EGFR: variants seen among roughly 807,000 people sequenced by gnomAD.
EGFR encodes the protein epidermal growth factor receptor, also known as avian erythroblastic leukemia viral (v-erb-b) oncogene homolog.
EGFR carries 58 observed loss-of-function variants against 143.0 expected under a neutral mutation model. That is an observed-to-expected ratio of 0.41 (90% CI 0.33 to 0.50). The LOEUF is 0.50. Among genes scored for constraint, EGFR ranks in the 20% least tolerant of loss-of-function variants. The pLI is 0.39. For missense variants in EGFR, 1,307 were observed against 1,579.0 expected, an observed-to-expected ratio of 0.83 and a Z score of 2.92; for synonymous variants, 613 against 594.4, an observed-to-expected ratio of 1.03 and a Z score of -0.45.
At chr7:55,203,094 CACACACACATAT>C (rs948843363) in intron 27 of EGFR, 1 of 272,724 alleles carries the variant, frequency 3.7e-6, no homozygotes, top group African/African-American at 2.2e-5. Flanking sequence ...AACCTGCTAA[CACACACACATAT>C]ACACACACAT....
chr7:55,170,038 G>A (rs1387125521), intron 15 of EGFR, among the ~76,000 whole-genome samples: 1 of 152,122 alleles, frequency 6.6e-6, no homozygotes, highest in African/African-American at 2.4e-5. Context: ...TAGTGGGGTG[G>A]GCAGTAACGA....
intron 1 of EGFR, among the ~76,000 whole-genome samples, chr7:55,132,955 A>C (rs1019933050): frequency 1.3e-5 from 2 of 152,216 alleles, no homozygotes; most frequent in African/African-American, 4.8e-5. Flanking sequence ...GGCTGACTCC[A>C]TCTGGCCACG....
chr7:55,095,321 G>A (rs188856619), intron 1 of EGFR, among the ~76,000 whole-genome samples: 19 of 152,340 alleles, frequency 1.2e-4, no homozygotes, highest in Admixed American at 1.1e-3. Flanking sequence ...GAAGATACTG[G>A]ACTGTTGTGA....
chr7:55,146,850 C>CA, intron 4 of EGFR, 110 bp downstream of exon 4: 1 of 1,463,498 alleles, frequency 6.8e-7, no homozygotes. Flanking sequence ...TAATCAGAAA[C>CA]AAAAAGTAGT....
chr7:55,043,614 T>C (rs895723365), intron 1 of EGFR, among the ~76,000 whole-genome samples: 1 of 151,828 alleles, frequency 6.6e-6, no homozygotes, highest in Middle Eastern at 3.2e-3. Flanking sequence ...CGCCCCCTTC[T>C]TGGCCTCCCA....
chr7:55,055,604 T>C (rs1788759357), intron 1 of EGFR, among the ~76,000 whole-genome samples: 1 of 152,130 alleles, frequency 6.6e-6, no homozygotes, highest in African/African-American at 2.4e-5. Flanking sequence ...CTTCAAAATA[T>C]ATGAGATGTG....
rs181157635 is a variant in EGFR at position 55,190,804 on chromosome 7, T to G, written c.2470-915T>G. Among the ~76,000 whole-genome samples the G allele has an allele frequency of 3.3e-5, 5 of 152,316 alleles. No homozygotes were observed. In the East Asian group the frequency reaches 9.7e-4, roughly 29 times the overall value. On this transcript the variant is annotated intron_variant, in intron 20 of 27. Transcript: ENST00000275493. ...ACAATAATAAGAAGTCTGCAGAACT[T>G]GACCCCTCCCAGCCTCTCCCACCTG...
At chr7:55,075,748 C>T (rs1176709357) in intron 1 of EGFR, among the ~76,000 whole-genome samples, 4 of 152,194 alleles carry the variant, frequency 2.6e-5, no homozygotes, top group African/African-American at 4.8e-5. Flanking sequence ...CAGAGCTACA[C>T]AGTGTACTCT....
intron 20 of EGFR, among the ~76,000 whole-genome samples, chr7:55,191,134 G>A (rs1787375471): frequency 6.6e-6 from 1 of 152,206 alleles, no homozygotes; most frequent in African/African-American, 2.4e-5. Flanking sequence ...TGTGGAGGCA[G>A]CCAGGGAGGT....
At chr7:55,174,446 A>T (rs887012228) in intron 18 of EGFR, among the ~76,000 whole-genome samples, 2 of 152,174 alleles carry the variant, frequency 1.3e-5, no homozygotes, top group Admixed American at 6.5e-5. Flanking sequence ...AGCATCATTA[A>T]ATTCTGGATG....
rs1157316072 is a variant in EGFR, at chr7:55,207,947, C to T, written c.*2330C>T. ...CAGAACTGGGAAACAGAAGGACCTACATTCTGCTGTCACTTATGTGTCAAG... is the reference window on the plus strand; with the variant it reads ...CAGAACTGGGAAACAGAAGGACCTATATTCTGCTGTCACTTATGTGTCAAG... On this transcript the variant is annotated 3_prime_UTR_variant, in exon 28 of 28. Coordinates refer to ENST00000275493, the MANE Select transcript of EGFR (RefSeq NM_005228.5). 4 of 152,242 alleles carry T rather than the reference C, an allele frequency of 2.6e-5. No individual in the cohort carries two copies. Among genetic ancestry groups the T allele is most frequent in the African/African-American group, 7.2e-5 (3 of 41,462 alleles). 9.4% of individuals were successfully genotyped at this position (152,242 alleles called of 1,614,324 possible).
At chr7:55,050,723 C>T (rs1174569645) in intron 1 of EGFR, among the ~76,000 whole-genome samples, 6 of 152,182 alleles carry the variant, frequency 3.9e-5, no homozygotes, top group African/African-American at 7.2e-5. Context: ...CCTTGCATTG[C>T]CATAGCCCTC....
chr7:55,153,393 C>T (rs1034437359), intron 6 of EGFR, among the ~76,000 whole-genome samples: 3 of 152,202 alleles, frequency 2.0e-5, no homozygotes, highest in Non-Finnish European at 4.4e-5. Context: ...TGTGACGAAG[C>T]CCTTCCTAAG....
intron 14 of EGFR, among the ~76,000 whole-genome samples, 191 bp from the exon 15 acceptor site, chr7:55,165,089 T>G (rs1785900702): frequency 6.6e-6 from 1 of 152,210 alleles, no homozygotes; most frequent in South Asian, 2.1e-4. Context: ...CAGGGAGAAC[T>G]TCTAAGCAAC....
intron 1 of EGFR, among the ~76,000 whole-genome samples, chr7:55,046,659 G>A (rs144608644): frequency 1.3e-3 from 193 of 151,432 alleles, no homozygotes; most frequent in African/African-American, 4.4e-3. Flanking sequence ...TACGCTTCTC[G>A]TACACATTTC....
intron 1 of EGFR, among the ~76,000 whole-genome samples, chr7:55,081,554 C>A (rs755695817): frequency 6.6e-6 from 1 of 152,146 alleles, no homozygotes; most frequent in Non-Finnish European, 1.5e-5. Flanking sequence ...GTGAGAGCAG[C>A]CCCTGAATTC....
chr7:55,180,764 GGC>G, intron 19 of EGFR: 1 of 178,274 alleles, frequency 5.6e-6, no homozygotes, highest in East Asian at 1.5e-4. Context: ...GGGGAAGGGA[GGC>G]CTTTCTCCCT....
intron 1 of EGFR, among the ~76,000 whole-genome samples, chr7:55,087,710 G>A (rs867429372): frequency 1.6e-4 from 24 of 152,132 alleles, no homozygotes; most frequent in African/African-American, 5.3e-4. Flanking sequence ...GAACACCCAG[G>A]CACCCAGCTT....
intron 5 of EGFR, among the ~76,000 whole-genome samples, chr7:55,152,183 C>T (rs925996111): frequency 1.2e-4 from 18 of 152,140 alleles, no homozygotes; most frequent in African/African-American, 4.3e-4. Context: ...AGCTCAAAAA[C>T]GGACACTATG....
Sources: gnomAD v4.1 joint callset for allele counts (sites outside exome capture counted in the v4.1 genomes callset) on GRCh38, gnomAD v4.1.1 for gene constraint, MANE v1.5 for transcripts, NCBI Gene and HGNC (gene_info 2026-07-23, HGNC 2026-07-21) for gene names.